Variants in EVI5L observed in about 807,000 individuals in gnomAD.
EVI5L encodes the protein ecotropic viral integration site 5 like.
In EVI5L, 30 loss-of-function variants were observed where a neutral mutation model predicts 106.1. That is an observed-to-expected ratio of 0.28 (90% CI 0.21 to 0.38). EVI5L has a LOEUF of 0.38. EVI5L is among the 10% of genes least tolerant of loss of function. The probability of loss-of-function intolerance (pLI) is 1.00; values close to 1 mark genes in which losing one functional copy is unlikely to be tolerated. For missense variants in EVI5L, 809 were observed against 1,098.0 expected, an observed-to-expected ratio of 0.74 and a Z score of 3.72; for synonymous variants, 489 against 483.3, an observed-to-expected ratio of 1.01 and a Z score of -0.15.
intron 1 of EVI5L, among the ~76,000 whole-genome samples, chr19:7,832,758 G>T (rs895518290): frequency 6.6e-6 from 1 of 152,182 alleles, no homozygotes; most frequent in Non-Finnish European, 1.5e-5. Context: ...ATGAGAGATG[G>T]TCTGCTGCAG....
chr19:7,848,789 A>G lies in EVI5L; in HGVS notation c.328-132A>G. The G allele has an allele frequency of 1.3e-6, 1 of 797,476 alleles. No individual in the cohort carries two copies. Among genetic ancestry groups the G allele is most frequent in the East Asian group, 2.7e-5 (1 of 37,082 alleles). The allele number at this position is 797,476 out of a possible 1,614,324, so 49.4% of individuals were successfully genotyped here. ...GTCTCTGAAAAAAGGGGGTAAAAAAAGGATTGGGGACCATGAGTTCTGTGC... is the reference window on the plus strand; with the variant it reads ...GTCTCTGAAAAAAGGGGGTAAAAAAGGGATTGGGGACCATGAGTTCTGTGC... On this transcript the variant is annotated intron_variant, in intron 3 of 19. Transcript: ENST00000538904. The surrounding 1 kb of genome is among the most constrained non-coding windows in gnomAD (Gnocchi z 4.8).
chr19:7,846,472 A>T, intron 1 of EVI5L, 24 bp from the exon 2 acceptor site: 1 of 1,526,116 alleles, frequency 6.6e-7, no homozygotes, highest in Non-Finnish European at 8.8e-7. Flanking sequence ...CCCAATGCCG[A>T]CCACGCATGT....
chr19:7,858,722 C>G lies in EVI5L; in HGVS notation c.1374+391C>G. Reference sequence around the variant, plus strand: ...AGGATTGTTAGGTGTCCCTGGGGGGCCAGCCATGGAGAATGGGAGCAGGGC... The same window carrying G: ...AGGATTGTTAGGTGTCCCTGGGGGGGCAGCCATGGAGAATGGGAGCAGGGC... On this transcript the variant is annotated intron_variant, in intron 13 of 19. Transcript: ENST00000538904. The surrounding 1 kb of genome is among the most constrained non-coding windows in gnomAD (Gnocchi z 5.7). 4.6e-6 allele frequency: 1 copy of G among 216,790 alleles called. No individual in the cohort carries two copies. Among genetic ancestry groups the G allele is most frequent in the Non-Finnish European group, 9.2e-6 (1 of 108,548 alleles). 13.4% of individuals were successfully genotyped at this position (216,790 alleles called of 1,614,324 possible).
At position 7,863,338 on chromosome 19, in the gene EVI5L, C is replaced by G. The variant is rs1979945952; in HGVS notation, c.2139+58C>G. ...TGGGTGTCGTCGGCCTGGGACGAGC[C>G]GAGCGCAGGTGCCTTGCGGAGGATG... is the stretch of plus-strand genomic sequence containing the variant. On this transcript the variant is annotated intron_variant, in intron 19 of 19. Coordinates refer to ENST00000538904, the MANE Select transcript of EVI5L (RefSeq NM_001159944.3). The surrounding 1 kb of genome is among the most constrained non-coding windows in gnomAD (Gnocchi z 7.7). 3 of 1,546,406 alleles carry G rather than the reference C, an allele frequency of 1.9e-6. No homozygotes were observed. Among genetic ancestry groups the G allele is most frequent in the Admixed American group, 3.9e-5 (2 of 50,878 alleles).
intron 6 of EVI5L, among the ~76,000 whole-genome samples, chr19:7,851,018 A>C (rs1290314344): frequency 7.8e-6 from 1 of 129,026 alleles, no homozygotes; most frequent in Non-Finnish European, 1.7e-5. Flanking sequence ...TCACGTAACA[A>C]GGTGGGGGGG....
Position 7,862,415 on chromosome 19 carries a change from C to A in EVI5L, c.1828C>A (p.Arg610Ser). Reference sequence around the variant, plus strand: ...CCACATCCACCGCAACCTTCTGAACCGCGTGGAGGCGGAGCGCGCGGCGCT... The same window carrying A: ...CCACATCCACCGCAACCTTCTGAACAGCGTGGAGGCGGAGCGCGCGGCGCT... Reference protein sequence around the residue: ...QDHIHRNLLNRVEAERAALQE... With the variant: ...QDHIHRNLLNSVEAERAALQE... Residue 610 changes from arginine to serine, a missense_variant, in exon 17 of 20, where the codon CGC becomes AGC. This residue lies in a region of EVI5L where 452 missense variants were observed against 509.9 expected (regional missense o/e 0.89). Coordinates refer to ENST00000538904, the MANE Select transcript of EVI5L (RefSeq NM_001159944.3). 1 of 1,609,952 alleles carries A rather than the reference C, an allele frequency of 6.2e-7. No individual in the cohort carries two copies. The highest frequency in any genetic ancestry group is 2.2e-5 in the East Asian group (1 of 44,774).
rs1979082872 is a variant in EVI5L at position 7,848,725 on chromosome 19, C to T, written c.328-196C>T. Among the ~76,000 whole-genome samples, 1 of 152,184 alleles carries T rather than the reference C, an allele frequency of 6.6e-6. No individual in the cohort carries two copies. Among genetic ancestry groups the T allele is most frequent in the African/African-American group, 2.4e-5 (1 of 41,450 alleles). On this transcript the variant is annotated intron_variant, in intron 3 of 19. Transcript: ENST00000538904. This position sits in a 1 kb window ranked among gnomAD's most constrained non-coding sequence, Gnocchi z 4.8. ...TCAAGGCTGCAGGGAGCTATGATCG[C>T]ACCACTGCACTCCAGCCTGGGTGAC... is the stretch of plus-strand genomic sequence containing the variant.
chr19:7,847,605 A>AT, intron 2 of EVI5L, 127 bp from the exon 3 acceptor site: 1 of 933,302 alleles, frequency 1.1e-6, no homozygotes, highest in Non-Finnish European at 1.6e-6. Flanking sequence ...GAAAAAAAAA[A>AT]GAACAAGAGG....
At position 7,863,271 on chromosome 19, in the gene EVI5L, G is replaced by A. The variant is rs1194425445; in HGVS notation, c.2130G>A (p.Leu710=). Residue 710 remains leucine (L), a synonymous_variant, in exon 19 of 20, where the codon CTG becomes CTA. Transcript: ENST00000538904. The surrounding 1 kb of genome is among the most constrained non-coding windows in gnomAD (Gnocchi z 7.7). ...AGCTCAAGGACCAGATCGAGGAGCT[G>A]AAGGCCGAGGTGAGCCGGCGCGGGG... ...IRELKDQIEE[L]KAEVRLLKGP... The A allele has an allele frequency of 1.3e-6, 2 of 1,556,634 alleles. No homozygotes were observed. The highest frequency in any genetic ancestry group is 8.7e-7 in the Non-Finnish European group (1 of 1,150,244).
chr19:7,830,465 G>T (rs1165876219), intron 1 of EVI5L, 84 bp downstream of exon 1: 5 of 151,140 alleles, frequency 3.3e-5, no homozygotes, highest in African/African-American at 9.7e-5. Context: ...CGGCAGGACC[G>T]CAACTCGGGC....
Position 7,856,960 on chromosome 19 carries a change from C to T in EVI5L, c.1201-132C>T. 1 of 936,670 alleles carries T rather than the reference C, an allele frequency of 1.1e-6. No homozygotes were observed. Among genetic ancestry groups the T allele is most frequent in the Non-Finnish European group, 1.7e-6 (1 of 592,520 alleles). The allele number at this position is 936,670 out of a possible 1,614,324, so 58.0% of individuals were successfully genotyped here. A position where few individuals can be genotyped will look rare whatever the true frequency, so the allele number is the denominator to read the frequency against. On this transcript the variant is annotated intron_variant, in intron 11 of 19. Transcript: ENST00000538904. This position sits in a 1 kb window ranked among gnomAD's most constrained non-coding sequence, Gnocchi z 6.6. ...CCTGCTGGTTCTCTGGTCTTCCCTCCTCTCTCCCCCGCTTCTAGAGATAGT... is the reference window on the plus strand; with the variant it reads ...CCTGCTGGTTCTCTGGTCTTCCCTCTTCTCTCCCCCGCTTCTAGAGATAGT...
chr19:7,844,916 G>A (rs1978883972), intron 1 of EVI5L, among the ~76,000 whole-genome samples: 4 of 152,312 alleles, frequency 2.6e-5, no homozygotes. Flanking sequence ...GACTGGGGTG[G>A]CCAGGGTCAA....
At chr19:7,843,006 G>A (rs1752529332) in intron 1 of EVI5L, among the ~76,000 whole-genome samples, 2 of 151,956 alleles carry the variant, frequency 1.3e-5, no homozygotes, top group Non-Finnish European at 2.9e-5. Flanking sequence ...GTGTGTGCAT[G>A]TGTGTATAGG....
intron 1 of EVI5L, among the ~76,000 whole-genome samples, chr19:7,843,535 G>A (rs1271176359): frequency 1.4e-5 from 2 of 142,962 alleles, no homozygotes; most frequent in East Asian, 4.2e-4. Flanking sequence ...AGGCATGGGT[G>A]TGTCGAGTGT....
intron 1 of EVI5L, among the ~76,000 whole-genome samples, chr19:7,831,483 C>T (rs1030489635): frequency 6.6e-6 from 1 of 152,142 alleles, no homozygotes; most frequent in Non-Finnish European, 1.5e-5. Flanking sequence ...AGGAAGCCAA[C>T]TTGCCCCTCC....
chr19:7,841,035 C>T (rs936745149), intron 1 of EVI5L, among the ~76,000 whole-genome samples: 3 of 152,056 alleles, frequency 2.0e-5, no homozygotes, highest in Admixed American at 6.6e-5. Context: ...TCCATCCTAC[C>T]GTATTGTTTA....
Position 7,863,141 on chromosome 19 carries a change from GC to G in EVI5L, c.2044-41del. On this transcript the variant is annotated intron_variant, in intron 18 of 19. Transcript: ENST00000538904. The surrounding 1 kb of genome is among the most constrained non-coding windows in gnomAD (Gnocchi z 7.7). ...GGGCAGGAGCGGGGCCGGACCCCAG[GC>G]CCAGCATGGCACTGGCCCCGCGTGA... 1 of 1,542,158 alleles carries G rather than the reference GC, an allele frequency of 6.5e-7. No individual in the cohort carries two copies. The highest frequency in any genetic ancestry group is 1.2e-5 in the South Asian group (1 of 83,468).
intron 5 of EVI5L, among the ~76,000 whole-genome samples, chr19:7,849,604 C>A (rs1439938682): frequency 2.0e-5 from 3 of 152,194 alleles, no homozygotes; most frequent in Non-Finnish European, 2.9e-5. Flanking sequence ...CAGGGTTGGA[C>A]AGGAACCTCA....
chr19:7,849,056 C>T lies in EVI5L; in HGVS notation c.463C>T (p.Arg155Cys), dbSNP rs368979408. The change falls in exon 4 of 20, where the codon CGC (arginine) becomes TGC (cysteine). Residue 155 changes from arginine to cysteine, a missense_variant. By Grantham distance (180) the Arg-to-Cys change is radical. Around this residue, in one of 2 missense-constraint regions of EVI5L, gnomAD observed 357 missense variants for 588.1 expected, o/e 0.61. Coordinates refer to ENST00000538904, the MANE Select transcript of EVI5L (RefSeq NM_001159944.3). The part of the protein sequence containing the change: ...KMSSPCEKLI[R>C]RDIARTYPEH... ...GTCCTCGCCGTGCGAGAAGCTGATC[C>T]GCAGGGACATCGCCCGCACCTACCC... 24 of 1,613,152 alleles carry T rather than the reference C, an allele frequency of 1.5e-5. No homozygotes were observed. The highest frequency in any genetic ancestry group is 4.5e-5 in the East Asian group (2 of 44,852).
Sources: allele counts gnomAD v4.1 joint callset (sites outside exome capture counted in the v4.1 genomes callset), GRCh38; gene constraint gnomAD v4.1.1; regional missense constraint gnomAD v4.1.1; non-coding constraint Gnocchi (gnomAD v3.1); transcripts MANE v1.5; gene names NCBI Gene and HGNC (gene_info 2026-07-23, HGNC 2026-07-21).